ZFHX3: variants seen among roughly 807,000 people sequenced by gnomAD.
ZFHX3 encodes the protein zinc finger homeobox protein 3.
A neutral mutation model predicts 279.1 loss-of-function variants in ZFHX3; 42 were observed. The observed-to-expected ratio is 0.15, with a 90% CI of 0.12 to 0.19. The LOEUF is 0.19. Among genes scored for constraint, ZFHX3 ranks in the 10% least tolerant of loss-of-function variants. The pLI is 1.00. For synonymous variants in ZFHX3, 2,293 were observed against 1,957.8 expected (o/e 1.17, Z -4.52); for missense variants, 4,981 against 4,754.0 (o/e 1.05, Z -1.40).
At chr16:73,701,872 TA>T (rs11318282) in intron 1 of ZFHX3, among the ~76,000 whole-genome samples, 18,366 of 146,190 alleles carry the variant, frequency 0.13, 1,798 homozygotes, top group African/African-American at 0.28. Flanking sequence ...GTTTGAGTCA[TA>T]AAAAAAAAAG....
intron 2 of ZFHX3, among the ~76,000 whole-genome samples, chr16:72,954,324 T>C (rs1239669284): frequency 1.3e-5 from 2 of 152,074 alleles, no homozygotes; most frequent in Non-Finnish European, 2.9e-5. Context: ...GAGCCGAGAC[T>C]GCGCTATTGC....
chr16:73,198,767 G>A (rs917505444), intron 5 of ZFHX3, among the ~76,000 whole-genome samples: 2 of 152,188 alleles, frequency 1.3e-5, no homozygotes, highest in Non-Finnish European at 2.9e-5. Context: ...AGAAACAAAA[G>A]GGGACTTTCA....
In ZFHX3 at chr16:73,853,580, A is replaced by G. The variant is rs574912313; in HGVS notation, c.-1608+38071T>C. On this transcript the variant is annotated intron_variant, in intron 1 of 17. Transcript: ENST00000641206. The stretch of plus-strand genomic sequence containing the variant: ...ATCCTAAGCAAACTAACTGAGAAAC[A>G]GAAAACCAAATACTGCATGTTCTCA... Among the ~76,000 whole-genome samples the G allele has an allele frequency of 6.4e-4, 97 of 152,356 alleles. 1 individual carries two copies. Among genetic ancestry groups the G allele is most frequent in the African/African-American group, 2.3e-3 (96 of 41,590 alleles).
At position 73,078,284 on chromosome 16, in the gene ZFHX3, G is replaced by T. The variant is rs118019218; in HGVS notation, c.-533+14951C>A. ...TAAAAACCCAACATTTTCAGAATAC[G>T]CCTGGCACAGAGACAACCTCGAAGT... On this transcript the variant is annotated intron_variant, in intron 8 of 17. Transcript: ENST00000641206. Among the ~76,000 whole-genome samples the T allele has an allele frequency of 7.5e-4, 114 of 152,208 alleles. 4 individuals are homozygous for T. The East Asian group carries it at 0.021, about 28-fold the overall frequency.
intron 7 of ZFHX3, among the ~76,000 whole-genome samples, chr16:73,107,324 T>G (rs1966317451): frequency 6.6e-6 from 1 of 151,700 alleles, no homozygotes; most frequent in Non-Finnish European, 1.5e-5. Flanking sequence ...AATAATAAAA[T>G]AAAATAAAAT....
At chr16:72,813,874 G>A (rs529411156) in intron 5 of ZFHX3, among the ~76,000 whole-genome samples, 4 of 152,260 alleles carry the variant, frequency 2.6e-5, no homozygotes, top group South Asian at 2.1e-4. Context: ...ATGGAACGTC[G>A]CGTTGCAGGT....
At chr16:73,525,808 T>C (rs1027470419) in intron 2 of ZFHX3, among the ~76,000 whole-genome samples, 1 of 152,210 alleles carries the variant, frequency 6.6e-6, no homozygotes, top group Non-Finnish European at 1.5e-5. Flanking sequence ...GTAATTTTTC[T>C]CTTAGGAGTT....
intron 2 of ZFHX3, among the ~76,000 whole-genome samples, chr16:73,615,983 G>C (rs1296646800): frequency 1.3e-5 from 2 of 152,182 alleles, no homozygotes; most frequent in East Asian, 3.9e-4. Context: ...ATACCAGGAC[G>C]GTTCAGGGGA....
chr16:73,405,959 C>T lies in ZFHX3; in HGVS notation c.-1291+50044G>A, dbSNP rs1280084760. Among the ~76,000 whole-genome samples, 3 of 152,328 alleles carry T rather than the reference C, an allele frequency of 2.0e-5. No homozygotes were observed. The East Asian group carries it at 5.8e-4, about 29-fold the overall frequency. ...GGCCCCAGGGAAGGTTGGAGAGTGCCACACAAACAATTCCTCCTAGGGATG... is the reference window on the plus strand; with the variant it reads ...GGCCCCAGGGAAGGTTGGAGAGTGCTACACAAACAATTCCTCCTAGGGATG... On this transcript the variant is annotated intron_variant, in intron 3 of 17. Transcript: ENST00000641206.
chr16:73,327,298 C>T (rs978473951), intron 3 of ZFHX3, among the ~76,000 whole-genome samples: 2 of 152,156 alleles, frequency 1.3e-5, no homozygotes, highest in African/African-American at 4.8e-5. Flanking sequence ...TGACCTACCA[C>T]AACTGCAGTA....
At chr16:73,559,635 C>T (rs973459938) in intron 2 of ZFHX3, among the ~76,000 whole-genome samples, 1 of 152,214 alleles carries the variant, frequency 6.6e-6, no homozygotes, top group African/African-American at 2.4e-5. Flanking sequence ...TCTGCCCTTT[C>T]ACACACGCTT....
At chr16:73,624,539 T>C (rs1465308482) in intron 2 of ZFHX3, among the ~76,000 whole-genome samples, 1 of 151,968 alleles carries the variant, frequency 6.6e-6, no homozygotes, top group African/African-American at 2.4e-5. Context: ...ATCAACATTA[T>C]GAATTAATAT....
intron 2 of ZFHX3, among the ~76,000 whole-genome samples, chr16:73,464,129 G>A (rs75076979): frequency 0.012 from 1,804 of 151,956 alleles, 30 homozygotes; most frequent in African/African-American, 0.042. Context: ...ATATTACTGG[G>A]AATTATTACT....
chr16:72,846,879 T>A (rs2037494831), intron 4 of ZFHX3, among the ~76,000 whole-genome samples: 1 of 152,204 alleles, frequency 6.6e-6, no homozygotes, highest in South Asian at 2.1e-4. Context: ...GACCAGTGGC[T>A]ATCCTTTGCC....
Position 73,014,687 on chromosome 16 carries a change from C to T in ZFHX3, c.-50+33065G>A, listed in dbSNP as rs562489173. ...GATTACAGGCAGGCACCACCATGCC[C>T]GGCTAATTTTTGTATTTTTAGTAGA... On this transcript the variant is annotated intron_variant, in intron 1 of 9. Transcript: ENST00000268489. 5.3e-5 allele frequency among the ~76,000 whole-genome samples: 8 copies of T among 151,760 alleles called. No homozygotes were observed. In the East Asian group the frequency reaches 1.2e-3, roughly 22 times the overall value.
intron 1 of ZFHX3, chr16:73,014,235 AG>A (rs1964016388): frequency 6.6e-6 from 1 of 152,090 alleles, no homozygotes; most frequent in Non-Finnish European, 1.5e-5. Context: ...CCCTGACTTC[AG>A]CCTACTGAAA....
rs1476124610 is a variant in ZFHX3 at position 72,908,190 on chromosome 16, C to T, written c.3217-18228G>A. Among the ~76,000 whole-genome samples the T allele has an allele frequency of 3.3e-5, 5 of 152,152 alleles. No individual in the cohort carries two copies. The East Asian group carries it at 9.7e-4, about 29-fold the overall frequency. On this transcript the variant is annotated intron_variant, in intron 3 of 9. Coordinates refer to ENST00000268489, the MANE Select transcript of ZFHX3 (RefSeq NM_006885.4). ...GGTTCCTGAGGGCAGAGATGCTATG[C>T]CCTCCTCCCTGGGGATTGACACACA...
intron 4 of ZFHX3, among the ~76,000 whole-genome samples, chr16:72,847,977 G>C (rs780910761): frequency 3.9e-5 from 6 of 152,128 alleles, no homozygotes; most frequent in Non-Finnish European, 7.3e-5. Flanking sequence ...TGGGGAAGGG[G>C]TCAGGACAAT....
At chr16:73,862,084 G>A (rs1470101388) in intron 1 of ZFHX3, among the ~76,000 whole-genome samples, 1 of 152,170 alleles carries the variant, frequency 6.6e-6, no homozygotes, top group African/African-American at 2.4e-5. Flanking sequence ...TGTTTAGGGA[G>A]AGACCAAGTG....
Sources: allele counts gnomAD v4.1 joint callset (sites outside exome capture counted in the v4.1 genomes callset), GRCh38; gene constraint gnomAD v4.1.1; transcripts MANE v1.5; gene names NCBI Gene and HGNC (gene_info 2026-07-23, HGNC 2026-07-21).